ZNF565: variants seen among roughly 807,000 people sequenced by gnomAD.
ZNF565 encodes zinc finger protein 565.
ZNF565 carries 27 observed loss-of-function variants against 39.4 expected under a neutral mutation model. That is an observed-to-expected ratio of 0.69 (90% CI 0.51 to 0.95). The LOEUF (loss-of-function observed/expected upper bound fraction) is 0.95, where lower values mean the gene tolerates loss of function less well. Among genes scored for constraint, ZNF565 ranks in the 40% least tolerant of loss-of-function variants. ZNF565 has a pLI of 0.00. For missense variants in ZNF565, 524 were observed against 621.1 expected (o/e 0.84, Z 1.66); for synonymous variants, 185 against 216.6 (o/e 0.85, Z 1.28).
At chr19:36,236,582 G>A (rs774347452) in intron 1 of ZNF565, 27 of 1,614,082 alleles carry the variant, frequency 1.7e-5, no homozygotes, top group Non-Finnish European at 2.1e-5. Context: ...TGAATGTAAC[G>A]AGTGTGGAAA....
chr19:36,220,739 A>G (rs1401288088), intron 1 of ZNF565, among the ~76,000 whole-genome samples: 1 of 152,200 alleles, frequency 6.6e-6, no homozygotes, highest in Non-Finnish European at 1.5e-5. Flanking sequence ...ATCCTGCAAT[A>G]TAAAGAAAAT....
chr19:36,202,277 G>T (rs1457974401), intron 1 of ZNF565, among the ~76,000 whole-genome samples: 2 of 152,106 alleles, frequency 1.3e-5, no homozygotes, highest in African/African-American at 4.8e-5. Flanking sequence ...TGAGGCACAA[G>T]AATTGCTTAA....
chr19:36,225,641 C>T (rs935588277), intron 1 of ZNF565, among the ~76,000 whole-genome samples: 1 of 150,700 alleles, frequency 6.6e-6, no homozygotes, highest in Non-Finnish European at 1.5e-5. Flanking sequence ...TTTTTTAGTG[C>T]TAAGCACGCT....
chr19:36,236,799 G>A (rs1390977796), intron 1 of ZNF565: 1 of 1,613,972 alleles, frequency 6.2e-7, no homozygotes, highest in Non-Finnish European at 8.5e-7. Context: ...AGACACCAGA[G>A]AACTCACACA....
chr19:36,227,496 G>A (rs12460466), intron 1 of ZNF565, among the ~76,000 whole-genome samples: 27,328 of 151,096 alleles, frequency 0.18, 2,703 homozygotes, highest in Non-Finnish European at 0.22. Context: ...TGATCTTCCT[G>A]TCTCAGCCTC....
intron 2 of ZNF565, among the ~76,000 whole-genome samples, chr19:36,196,365 T>C (rs1303993502): frequency 6.6e-6 from 1 of 152,138 alleles, no homozygotes; most frequent in Non-Finnish European, 1.5e-5. Flanking sequence ...CCTGAGCCAC[T>C]GCACTCGGCC....
intron 1 of ZNF565, among the ~76,000 whole-genome samples, chr19:36,241,636 C>CA (rs959015845): frequency 6.6e-6 from 1 of 150,584 alleles, no homozygotes; most frequent in Non-Finnish European, 1.5e-5. Context: ...ACTAAAAATA[C>CA]AAAAAATTAG....
rs1252458806 is a variant in ZNF565 at position 36,200,001 on chromosome 19, CA to C, written c.9+1975del. Among the ~76,000 whole-genome samples the C allele has an allele frequency of 2.6e-5, 4 of 151,696 alleles. No homozygotes were observed. In the East Asian group the frequency reaches 7.8e-4, roughly 30 times the overall value. ...ATGGTTATATCTATCAACATTTTCC[CA>C]CCTTAGAAATTAAAAGAAAGAAATA... On this transcript the variant is annotated intron_variant, in intron 2 of 4. Transcript: ENST00000304116.
chr19:36,231,491 G>C (rs1977369260), intron 1 of ZNF565, among the ~76,000 whole-genome samples: 1 of 152,158 alleles, frequency 6.6e-6, no homozygotes, highest in South Asian at 2.1e-4. Flanking sequence ...TTACAGGCGG[G>C]AGCCACTACA....
At chr19:36,244,282 G>A (rs1447108235) in intron 1 of ZNF565, among the ~76,000 whole-genome samples, 3 of 152,232 alleles carry the variant, frequency 2.0e-5, no homozygotes, top group African/African-American at 7.2e-5. Context: ...ACAGAAGGCC[G>A]GATGCGGTGG....
intron 4 of ZNF565, among the ~76,000 whole-genome samples, chr19:36,187,203 A>T (rs570806727): frequency 6.6e-6 from 1 of 152,198 alleles, no homozygotes; most frequent in East Asian, 1.9e-4. Context: ...AAAAAAAAAA[A>T]TAGACTTTAA....
At chr19:36,214,386 C>A (rs545671006) in intron 1 of ZNF565, among the ~76,000 whole-genome samples, 3 of 152,178 alleles carry the variant, frequency 2.0e-5, no homozygotes, top group African/African-American at 7.2e-5. Flanking sequence ...GCAGTATCAC[C>A]CCCGGTCACA....
chr19:36,232,728 C>T (rs906503574), intron 1 of ZNF565, among the ~76,000 whole-genome samples: 6 of 151,680 alleles, frequency 4.0e-5, no homozygotes, highest in Admixed American at 3.9e-4. Flanking sequence ...CCTGTCTCAG[C>T]CTCTTGAGTA....
At chr19:36,188,435 C>T (rs1975396042) in intron 4 of ZNF565, among the ~76,000 whole-genome samples, 1 of 151,068 alleles carries the variant, frequency 6.6e-6, no homozygotes, top group Admixed American at 6.6e-5. Flanking sequence ...GAGGGGGCCG[C>T]ATGTGGTAGG....
In ZNF565 at chr19:36,182,396, A is replaced by C; in HGVS notation, c.*70T>G. 7 of 1,355,368 alleles carry C rather than the reference A, an allele frequency of 5.2e-6. No individual in the cohort carries two copies. The highest frequency in any genetic ancestry group is 6.9e-6 in the Non-Finnish European group (7 of 1,015,820). The allele number at this position is 1,355,368 out of a possible 1,614,324, so 84.0% of individuals were successfully genotyped here. Reference sequence around the variant, plus strand: ...TGACATTAATTACACTACATTAAAAATTACCTAGTACTGAGCCAGATGTGA... The same window carrying C: ...TGACATTAATTACACTACATTAAAACTTACCTAGTACTGAGCCAGATGTGA... On this transcript the variant is annotated 3_prime_UTR_variant, in exon 5 of 5. Transcript: ENST00000304116.
At chr19:36,217,919 G>A (rs1466066802), upstream of ZNF565, among the ~76,000 whole-genome samples, 4 of 150,848 alleles carry the variant, frequency 2.7e-5, no homozygotes, top group Admixed American at 6.6e-5. Flanking sequence ...AGATACATAC[G>A]AAATAATAAA....
At position 36,236,491 on chromosome 19, in the gene ZNF565, C is replaced by G. The variant is rs773993026; in HGVS notation, c.55+8985G>C. The stretch of plus-strand genomic sequence containing the variant: ...TTTACAGTGGGGAAAACCCCTTTGC[C>G]TGTAAGGTATGTGGAAAAGTCTTCA... On this transcript the variant is annotated intron_variant, in intron 1 of 4. Transcript: ENST00000355114. 6.2e-6 allele frequency: 10 copies of G among 1,613,962 alleles called. 1 individual carries two copies. In the Admixed American group the frequency reaches 1.5e-4, roughly 24 times the overall value.
intron 1 of ZNF565, among the ~76,000 whole-genome samples, chr19:36,221,623 A>G (rs1359038746): frequency 6.6e-6 from 1 of 152,104 alleles, no homozygotes; most frequent in East Asian, 1.9e-4. Context: ...TTTGATTACT[A>G]TTGAAGTAAG....
chr19:36,204,842 T>C (rs950397567), intron 1 of ZNF565, among the ~76,000 whole-genome samples: 1 of 151,570 alleles, frequency 6.6e-6, no homozygotes, highest in African/African-American at 2.4e-5. Context: ...ATACAAAAAT[T>C]AGCCAGGCAC....
Sources: allele counts gnomAD v4.1 joint callset (sites outside exome capture counted in the v4.1 genomes callset), GRCh38; gene constraint gnomAD v4.1.1; transcripts MANE v1.5; gene names NCBI Gene and HGNC (gene_info 2026-07-23, HGNC 2026-07-21).